Variants in VASP observed in about 807,000 individuals in gnomAD.
VASP encodes the protein vasodilator-stimulated phosphoprotein.
Under a neutral mutation model 54.4 loss-of-function variants are expected in VASP, and 27 were observed. The observed-to-expected ratio is 0.50, with a 90% CI of 0.37 to 0.68. VASP has a LOEUF of 0.68. VASP is among the 30% of genes least tolerant of loss of function. VASP has a pLI of 0.00. For missense variants in VASP, 488 were observed against 528.3 expected, an observed-to-expected ratio of 0.92 and a Z score of 0.75; for synonymous variants, 233 against 209.8, an observed-to-expected ratio of 1.11 and a Z score of -0.96.
chr19:45,521,751 A>G lies in VASP; in HGVS notation c.428+345A>G, dbSNP rs1431023514. Among the ~76,000 whole-genome samples the G allele has an allele frequency of 1.5e-3, 235 of 152,082 alleles. 4 individuals are homozygous for G. Among genetic ancestry groups the G allele is most frequent in the Non-Finnish European group, 8.8e-5 (6 of 67,964 alleles). On this transcript the variant is annotated intron_variant, in intron 4 of 12. Transcript: ENST00000245932. ...TGAAGATAACAAAAATTAGCCGGTCATGGTGGCGCCCGTGCCTGTAATCCC... is the reference window on the plus strand; with the variant it reads ...TGAAGATAACAAAAATTAGCCGGTCGTGGTGGCGCCCGTGCCTGTAATCCC...
intron 10 of VASP, 40 bp downstream of exon 10, chr19:45,524,182 G>T (rs556470320): frequency 1.2e-6 from 2 of 1,611,136 alleles, no homozygotes; most frequent in East Asian, 2.2e-5. Context: ...AGGTAAAGGC[G>T]GGCAGATCGC....
At chr19:45,513,384 A>G (rs1968638139) in intron 1 of VASP, among the ~76,000 whole-genome samples, 1 of 151,728 alleles carries the variant, frequency 6.6e-6, no homozygotes, top group Non-Finnish European at 1.5e-5. Flanking sequence ...AGCTGGGACT[A>G]CAGGCAAGCG....
chr19:45,518,225 A>G, intron 3 of VASP, 131 bp downstream of exon 3: 1 of 1,330,406 alleles, frequency 7.5e-7, no homozygotes, highest in Middle Eastern at 2.7e-4. Context: ...ATGGAAAATT[A>G]TCACTAGCAT....
At chr19:45,522,843 G>A (rs376380753) in intron 7 of VASP, 25 bp downstream of exon 7, 73 of 1,592,906 alleles carry the variant, frequency 4.6e-5, no homozygotes, top group Non-Finnish European at 6.1e-5. Context: ...GGACCCCCAA[G>A]TCACCTGGAG....
intron 3 of VASP, 25 bp from the exon 4 acceptor site, chr19:45,521,297 T>G (rs779198847): frequency 6.4e-7 from 1 of 1,553,534 alleles, no homozygotes; most frequent in Non-Finnish European, 8.7e-7. Context: ...GACTGATCCA[T>G]GGCCCTTTCT....
chr19:45,514,676 C>T (rs1968666694), intron 1 of VASP, among the ~76,000 whole-genome samples: 1 of 152,206 alleles, frequency 6.6e-6, no homozygotes, highest in Non-Finnish European at 1.5e-5. Context: ...AAAGTGCAGC[C>T]AGGGCGGGGC....
chr19:45,522,830 C>G lies in VASP; in HGVS notation c.821+12C>G. On this transcript the variant is annotated intron_variant, in intron 7 of 12. Transcript: ENST00000245932. ...ATGCTGGCCCGGAGGTGAGCCTGAG[C>G]CTGGACCCCCAAGTCACCTGGAGTT... 6.2e-7 allele frequency: 1 copy of G among 1,601,166 alleles called. No individual in the cohort carries two copies. Among genetic ancestry groups the G allele is most frequent in the Non-Finnish European group, 8.5e-7 (1 of 1,175,400 alleles).
intron 7 of VASP, 119 bp downstream of exon 7, chr19:45,522,937 A>C: frequency 9.2e-7 from 1 of 1,083,948 alleles, no homozygotes; most frequent in Non-Finnish European, 1.3e-6. Context: ...CCCTTTGATA[A>C]CCAGGTTTGG....
rs1457210051 is a variant in VASP at position 45,517,703 on chromosome 19, T to C, written c.46T>C (p.Tyr16His). The change falls in exon 2 of 13, where the codon TAT becomes CAT. Residue 16 changes from tyrosine to histidine, a missense_variant. Coordinates refer to ENST00000245932, the MANE Select transcript of VASP (RefSeq NM_003370.4). ...ICSSRATVMLYDDGNKRWLPA... is the reference protein window; with the variant it reads ...ICSSRATVMLHDDGNKRWLPA... ...TTCCAGCCGGGCCACTGTGATGCTT[T>C]ATGATGATGGCAACAAGCGATGGCT... 1 of 1,612,258 alleles carries C rather than the reference T, an allele frequency of 6.2e-7. No individual in the cohort carries two copies. Among genetic ancestry groups the C allele is most frequent in the Non-Finnish European group, 8.5e-7 (1 of 1,180,024 alleles).
At chr19:45,524,766 T>C in intron 11 of VASP, 106 bp downstream of exon 11, 2 of 1,144,002 alleles carry the variant, frequency 1.7e-6, no homozygotes, top group Non-Finnish European at 2.6e-6. Flanking sequence ...ACCTCAGGTT[T>C]CCAATCTGAC....
At chr19:45,510,932 CAA>C (rs750711575) in intron 1 of VASP, among the ~76,000 whole-genome samples, 18 of 108,930 alleles carry the variant, frequency 1.7e-4, no homozygotes, top group East Asian at 2.6e-4. Context: ...GACCCTGTCT[CAA>C]AAAAAAAAAA....
chr19:45,524,033 G>A, intron 9 of VASP, 64 bp from the exon 10 acceptor site: 1 of 1,611,994 alleles, frequency 6.2e-7, no homozygotes, highest in Non-Finnish European at 8.5e-7. Context: ...GAGGTTGGGG[G>A]AGTAAGATTG....
Position 45,526,262 on chromosome 19 carries a change from T to A in VASP, c.*85T>A. ...TCCCTGCCTCTACTTGACTTGGAAT[T>A]GGCTGAAGACTACACAGGAATGCAT... On this transcript the variant is annotated 3_prime_UTR_variant, in exon 13 of 13. Coordinates refer to ENST00000245932, the MANE Select transcript of VASP (RefSeq NM_003370.4). 1 of 1,497,356 alleles carries A rather than the reference T, an allele frequency of 6.7e-7. No individual in the cohort carries two copies. The highest frequency in any genetic ancestry group is 2.3e-5 in the East Asian group (1 of 42,732). 92.8% of individuals were successfully genotyped at this position (1,497,356 alleles called of 1,614,324 possible). A position where few individuals can be genotyped will look rare whatever the true frequency, so the allele number is the denominator to read the frequency against.
At chr19:45,511,339 A>G (rs968053345) in intron 1 of VASP, among the ~76,000 whole-genome samples, 14 of 152,158 alleles carry the variant, frequency 9.2e-5, no homozygotes, top group Non-Finnish European at 2.1e-4. Flanking sequence ...GCGTGTACCA[A>G]GTTACAGTTC....
At chr19:45,515,243 C>T (rs545478532) in intron 1 of VASP, among the ~76,000 whole-genome samples, 182 of 152,232 alleles carry the variant, frequency 1.2e-3, no homozygotes, top group Non-Finnish European at 1.7e-3. Flanking sequence ...TTTCTGTCCC[C>T]GGAAACCTCT....
At chr19:45,516,983 C>CAAAA (rs112095290) in intron 1 of VASP, among the ~76,000 whole-genome samples, 6,364 of 57,482 alleles carry the variant, frequency 0.11, 1,183 homozygotes, top group Middle Eastern at 0.13. Context: ...GACTCTGTCT[C>CAAAA]AAAAAAAAAA....
intron 3 of VASP, among the ~76,000 whole-genome samples, chr19:45,518,589 A>C (rs1473824394): frequency 1.3e-5 from 2 of 152,052 alleles, no homozygotes; most frequent in Non-Finnish European, 2.9e-5. Context: ...AAAAAAATGC[A>C]CGATTACTCA....
chr19:45,512,737 T>C (rs1033596304), intron 1 of VASP, among the ~76,000 whole-genome samples: 1 of 151,960 alleles, frequency 6.6e-6, no homozygotes, highest in African/African-American at 2.4e-5. Context: ...GTAGCTGGGA[T>C]TACAGGCGCC....
At chr19:45,520,145 A>C (rs1425822214) in intron 3 of VASP, among the ~76,000 whole-genome samples, 1 of 147,278 alleles carries the variant, frequency 6.8e-6, no homozygotes, top group Non-Finnish European at 1.5e-5. Flanking sequence ...CAGGTGATCC[A>C]CTCGCCTCGG....
Sources: allele counts gnomAD v4.1 joint callset (sites outside exome capture counted in the v4.1 genomes callset), GRCh38; gene constraint gnomAD v4.1.1; transcripts MANE v1.5; gene names NCBI Gene and HGNC (gene_info 2026-07-23, HGNC 2026-07-21).